Variants in SPTLC1 observed in about 807,000 individuals in gnomAD.
The protein encoded by SPTLC1 is serine palmitoyltransferase 1.
SPTLC1 carries 55 observed loss-of-function variants against 68.9 expected under a neutral mutation model. That is an observed-to-expected ratio of 0.80 (90% confidence interval 0.64 to 1.00). The LOEUF (loss-of-function observed/expected upper bound fraction) is 1.00, where lower values mean the gene tolerates loss of function less well. Ranked by LOEUF, SPTLC1 falls within the 50% of genes least tolerant of loss-of-function variation. The pLI is 0.00. For synonymous variants in SPTLC1, 197 were observed against 201.6 expected (o/e 0.98, Z 0.19); for missense variants, 449 against 573.1 (o/e 0.78, Z 2.21).
chr9:92,063,895 T>TAAC (rs1834190292), intron 6 of SPTLC1, among the ~76,000 whole-genome samples: 1 of 152,186 alleles, frequency 6.6e-6, no homozygotes, highest in African/African-American at 2.4e-5. Flanking sequence ...AATCTGCACG[T>TAAC]AACATTATAC....
At chr9:92,091,579 A>C (rs1255464098) in intron 3 of SPTLC1, among the ~76,000 whole-genome samples, 1 of 152,230 alleles carries the variant, frequency 6.6e-6, no homozygotes, top group Non-Finnish European at 1.5e-5. Flanking sequence ...TAATAAATCA[A>C]ATAACATTAT....
rs1835888328 is a variant in SPTLC1 at position 92,104,653 on chromosome 9, G to A, written c.260+4087C>T. 2.6e-6 allele frequency: 4 copies of A among 1,511,514 alleles called. No homozygotes were observed. The East Asian group carries it at 9.8e-5, about 37-fold the overall frequency. 93.6% of individuals were successfully genotyped at this position (1,511,514 alleles called of 1,614,324 possible). On this transcript the variant is annotated intron_variant, in intron 3 of 14. Coordinates refer to ENST00000262554, the MANE Select transcript of SPTLC1 (RefSeq NM_006415.4). Reference sequence around the variant, plus strand: ...CAGCCAGGCTCCCGAAGATGGAGGTGAGGGCAGAAGAGCCCAAAGAAGCAA... The same window carrying A: ...CAGCCAGGCTCCCGAAGATGGAGGTAAGGGCAGAAGAGCCCAAAGAAGCAA...
intron 6 of SPTLC1, among the ~76,000 whole-genome samples, chr9:92,066,438 G>A (rs947430815): frequency 2.0e-5 from 3 of 152,144 alleles, no homozygotes; most frequent in Non-Finnish European, 4.4e-5. Flanking sequence ...AGGATGAGAA[G>A]GTTAAGTAGG....
chr9:92,063,980 A>G (rs1464962200), intron 6 of SPTLC1, among the ~76,000 whole-genome samples: 1 of 152,234 alleles, frequency 6.6e-6, no homozygotes, highest in Admixed American at 6.6e-5. Flanking sequence ...CTTTTAACAC[A>G]GTCCTGGAAG....
At chr9:92,039,004 G>A (rs28505748) in intron 12 of SPTLC1, among the ~76,000 whole-genome samples, 24,338 of 152,110 alleles carry the variant, frequency 0.16, 2,820 homozygotes, top group African/African-American at 0.33. Flanking sequence ...AAAATTGGCC[G>A]AGTGTGGTGG....
intron 3 of SPTLC1, among the ~76,000 whole-genome samples, chr9:92,096,065 C>T (rs573308715): frequency 1.1e-4 from 17 of 152,336 alleles, no homozygotes; most frequent in African/African-American, 4.1e-4. Context: ...GTGTGAGTTA[C>T]ATAATGAATG....
At chr9:92,043,194 G>C (rs995353031) in intron 12 of SPTLC1, among the ~76,000 whole-genome samples, 1 of 152,182 alleles carries the variant, frequency 6.6e-6, no homozygotes, top group African/African-American at 2.4e-5. Flanking sequence ...GGTCTGGCCT[G>C]TCAGCAGCGG....
chr9:92,107,495 G>A (rs1244104635), intron 3 of SPTLC1, among the ~76,000 whole-genome samples: 2 of 152,230 alleles, frequency 1.3e-5, no homozygotes, highest in Middle Eastern at 3.2e-3. Context: ...GCTCACGCCT[G>A]TAATCCCAGC....
intron 7 of SPTLC1, among the ~76,000 whole-genome samples, chr9:92,057,849 A>G (rs1833949806): frequency 6.6e-6 from 1 of 152,230 alleles, no homozygotes; most frequent in Admixed American, 6.5e-5. Context: ...AAAAGTAAAA[A>G]TTATAAAGTA....
rs990974255 is a variant in SPTLC1 at position 92,047,199 on chromosome 9, C to T, written c.1054G>A (p.Ala352Thr). ...GGATTCTCTTCCATGATGTTGAGGG[C>T]CTCAATTGCTGCAGCAGCTAACAGG... ...PPLLAAAAIEALNIMEENPGI... is the reference protein window; with the variant it reads ...PPLLAAAAIETLNIMEENPGI... The change falls in exon 11 of 15, where the codon GCC becomes ACC. Residue 352 changes from alanine to threonine, a missense_variant. Around this residue, in one of 3 missense-constraint regions of SPTLC1, gnomAD observed 391 missense variants for 472.1 expected, o/e 0.83. Transcript: ENST00000262554. 2 of 1,614,066 alleles carry T rather than the reference C, an allele frequency of 1.2e-6. No homozygotes were observed. The highest frequency in any genetic ancestry group is 1.7e-5 in the Admixed American group (1 of 60,016).
At chr9:92,035,001 C>T in intron 13 of SPTLC1, 118 bp from the exon 14 acceptor site, 1 of 881,240 alleles carries the variant, frequency 1.1e-6, no homozygotes. Flanking sequence ...ATTATAATTG[C>T]TAGAAGATAT....
In SPTLC1 at chr9:92,046,060, GA is replaced by G. The variant is rs763441730; in HGVS notation, c.1082-8del. ...TTCAACACTGCAAAAATACCTAGAT[GA>G]AAAAAATACGTTTGAGAGTCTATTT... is the stretch of plus-strand genomic sequence containing the variant. On this transcript the variant is annotated splice_region_variant and splice_polypyrimidine_tract_variant and intron_variant, in intron 11 of 14. Coordinates refer to ENST00000262554, the MANE Select transcript of SPTLC1 (RefSeq NM_006415.4). 2 of 1,610,478 alleles carry G rather than the reference GA, an allele frequency of 1.2e-6. No homozygotes were observed. The highest frequency in any genetic ancestry group is 1.7e-6 in the Non-Finnish European group (2 of 1,178,290).
chr9:92,067,922 T>C (rs1226693967), intron 6 of SPTLC1, 44 bp downstream of exon 6: 1 of 1,594,534 alleles, frequency 6.3e-7, no homozygotes, highest in Non-Finnish European at 8.6e-7. Flanking sequence ...GTCAGTATTA[T>C]TTCAAAGGAA....
chr9:92,035,127 C>G lies in SPTLC1; in HGVS notation c.1255-244G>C, dbSNP rs140450034. ...CCATGAGCCCTGTGTGCCTGCTGAG[C>G]ACACGGAGATATGGCTGGTGCTACT... On this transcript the variant is annotated intron_variant, in intron 13 of 14. Transcript: ENST00000262554. Among the ~76,000 whole-genome samples, 1,490 of 152,326 alleles carry G rather than the reference C, an allele frequency of 9.8e-3. 22 individuals carry two copies. The highest frequency in any genetic ancestry group is 0.033 in the African/African-American group (1,392 of 41,562).
intron 9 of SPTLC1, among the ~76,000 whole-genome samples, chr9:92,049,085 C>T (rs4604504): frequency 0.11 from 16,398 of 152,172 alleles, 1,907 homozygotes; most frequent in African/African-American, 0.3. Context: ...CTCCTCGGTG[C>T]ATGTAACTGC....
intron 3 of SPTLC1, among the ~76,000 whole-genome samples, chr9:92,106,490 A>G (rs1238177775): frequency 1.3e-5 from 2 of 150,562 alleles, no homozygotes; most frequent in East Asian, 1.9e-4. Flanking sequence ...AAAAAAAAAA[A>G]AAGTAAGACA....
intron 12 of SPTLC1, 60 bp from the exon 13 acceptor site, chr9:92,038,425 G>T: frequency 1.8e-6 from 2 of 1,107,394 alleles, no homozygotes; most frequent in Non-Finnish European, 2.8e-6. Flanking sequence ...GATCGCTCAC[G>T]GAGAAATAAT....
At chr9:92,064,892 C>T (rs1834228421) in intron 6 of SPTLC1, among the ~76,000 whole-genome samples, 1 of 152,182 alleles carries the variant, frequency 6.6e-6, no homozygotes, top group African/African-American at 2.4e-5. Flanking sequence ...GTATAAAATT[C>T]TTAAAATAAC....
At position 92,034,797 on chromosome 9, in the gene SPTLC1, A is replaced by G. The variant is rs368659311; in HGVS notation, c.1328+13T>C. ...GGGGAAAAAAATAAGGTCATATTTT[A>G]ACGTCAACTGACCTGGGAGGAGGGA... is the stretch of plus-strand genomic sequence containing the variant. On this transcript the variant is annotated intron_variant, in intron 14 of 14. Coordinates refer to ENST00000262554, the MANE Select transcript of SPTLC1 (RefSeq NM_006415.4). 6.2e-7 allele frequency: 1 copy of G among 1,610,952 alleles called. No individual in the cohort carries two copies. Among genetic ancestry groups the G allele is most frequent in the African/African-American group, 1.4e-5 (1 of 74,022 alleles).
Sources: allele counts gnomAD v4.1 joint callset (sites outside exome capture counted in the v4.1 genomes callset), GRCh38; gene constraint gnomAD v4.1.1; regional missense constraint gnomAD v4.1.1; transcripts MANE v1.5; gene names NCBI Gene and HGNC (gene_info 2026-07-23, HGNC 2026-07-21).